WWOX: variants seen among roughly 807,000 people sequenced by gnomAD.
The protein encoded by WWOX is WW domain-containing oxidoreductase.
Under a neutral mutation model 46.2 loss-of-function variants are expected in WWOX, and 69 were observed. The ratio of observed to expected loss-of-function variants is 1.49; its 90% confidence interval spans 1.23 to 1.82. WWOX has a LOEUF of 1.82. Ranked by LOEUF, WWOX falls within the 40% of genes most tolerant of loss-of-function variation. WWOX has a pLI of 0.00. For synonymous variants in WWOX, 359 were observed against 202.6 expected (o/e 1.77, Z -6.56); for missense variants, 919 against 542.6 (o/e 1.69, Z -6.89).
chr16:78,919,897 A>T (rs909747244), intron 8 of WWOX, among the ~76,000 whole-genome samples: 1 of 152,156 alleles, frequency 6.6e-6, no homozygotes, highest in Non-Finnish European at 1.5e-5. Context: ...ACAGTTGATT[A>T]TAGATATATT....
chr16:78,468,158 A>C (rs375471048), intron 8 of WWOX, among the ~76,000 whole-genome samples: 4 of 151,934 alleles, frequency 2.6e-5, no homozygotes, highest in African/African-American at 9.7e-5. Context: ...CTGGATCTTC[A>C]CTGCTTTTAC....
rs1021885501 is a variant in WWOX, at chr16:79,093,021, A to G, written c.1057-118587A>G. Among the ~76,000 whole-genome samples, 6 of 152,222 alleles carry G rather than the reference A, an allele frequency of 3.9e-5. No individual in the cohort carries two copies. In the East Asian group the frequency reaches 7.7e-4, roughly 20 times the overall value. The stretch of plus-strand genomic sequence containing the variant: ...ATTATATTCAATAGCAAAAACCGCA[A>G]TTACTTTTGCACCACTACTTTTTAC... On this transcript the variant is annotated intron_variant, in intron 8 of 8. Transcript: ENST00000566780.
At position 79,031,961 on chromosome 16, in the gene WWOX, G is replaced by C. The variant is rs964906472; in HGVS notation, c.1057-179647G>C. Among the ~76,000 whole-genome samples, 31 of 139,900 alleles carry C rather than the reference G, an allele frequency of 2.2e-4. No individual in the cohort carries two copies. In the Admixed American group the frequency reaches 2.3e-3, roughly 10 times the overall value. The allele number at this position is 139,900 out of a possible 152,430, so 91.8% of individuals were successfully genotyped here. A position where few individuals can be genotyped will look rare whatever the true frequency, so the allele number is the denominator to read the frequency against. Reference sequence around the variant, plus strand: ...ATACAGATATCTGTATATATATATAGAAAGAGAGGGAACTGAACGGGATGC... The same window carrying C: ...ATACAGATATCTGTATATATATATACAAAGAGAGGGAACTGAACGGGATGC... On this transcript the variant is annotated intron_variant, in intron 8 of 8. Transcript: ENST00000566780.
intron 8 of WWOX, among the ~76,000 whole-genome samples, chr16:78,617,686 G>A (rs2046061621): frequency 1.3e-5 from 2 of 152,044 alleles, no homozygotes; most frequent in Admixed American, 6.6e-5. Flanking sequence ...TATTCCAGTG[G>A]GCCCCGCTGC....
intron 8 of WWOX, among the ~76,000 whole-genome samples, chr16:78,513,453 C>T (rs1227024765): frequency 2.0e-5 from 3 of 152,186 alleles, no homozygotes; most frequent in African/African-American, 4.8e-5. Flanking sequence ...TTCCTTGAGA[C>T]TCCTTCAATG....
At chr16:78,937,553 C>T (rs1396175545) in intron 8 of WWOX, among the ~76,000 whole-genome samples, 3 of 146,480 alleles carry the variant, frequency 2.0e-5, no homozygotes, top group African/African-American at 7.7e-5. Context: ...GCTTGGCTTC[C>T]CAAAGTGCTG....
intron 8 of WWOX, among the ~76,000 whole-genome samples, chr16:79,025,798 TGC>T (rs1173103439): frequency 4.6e-5 from 5 of 107,566 alleles, no homozygotes; most frequent in Admixed American, 1.1e-4. Context: ...TTGCTTTGCT[TGC>T]TTGCTTTTTT....
intron 8 of WWOX, chr16:78,552,171 C>T (rs1234170764): frequency 6.6e-6 from 1 of 152,188 alleles, no homozygotes; most frequent in Non-Finnish European, 1.5e-5. Context: ...CAAATGTGAC[C>T]TCCAATTAAA....
At chr16:78,938,153 C>A (rs567874949) in intron 8 of WWOX, among the ~76,000 whole-genome samples, 86 of 152,270 alleles carry the variant, frequency 5.6e-4, no homozygotes, top group Middle Eastern at 3.4e-3. Context: ...CAGGACCTTC[C>A]TGGCCTCTGG....
intron 5 of WWOX, among the ~76,000 whole-genome samples, chr16:78,270,904 G>A (rs1014717231): frequency 6.6e-6 from 1 of 152,140 alleles, no homozygotes; most frequent in Admixed American, 6.5e-5. Flanking sequence ...TAACTATCTG[G>A]CCCTTCACAG....
rs10431971 is a variant in WWOX, at chr16:79,034,746, G to A, written c.1057-176862G>A. Reference sequence around the variant, plus strand: ...CTTCTCTGATCAGAGCATACCTGCCGTGCTCAAAGCACTTGCTTACTTGGA... The same window carrying A: ...CTTCTCTGATCAGAGCATACCTGCCATGCTCAAAGCACTTGCTTACTTGGA... On this transcript the variant is annotated intron_variant, in intron 8 of 8. Coordinates refer to ENST00000566780, the MANE Select transcript of WWOX (RefSeq NM_016373.4). Among the ~76,000 whole-genome samples, 78 of 151,606 alleles carry A rather than the reference G, an allele frequency of 5.1e-4. 2 individuals are homozygous for A. In the East Asian group the frequency reaches 0.013, roughly 25 times the overall value.
intron 5 of WWOX, among the ~76,000 whole-genome samples, chr16:78,273,586 A>T (rs917597475): frequency 2.8e-4 from 43 of 152,150 alleles, no homozygotes; most frequent in African/African-American, 1.0e-3. Flanking sequence ...GTGAGAAAGG[A>T]GGGTGGGGAG....
chr16:79,134,784 G>C (rs2049951338), intron 8 of WWOX, among the ~76,000 whole-genome samples: 2 of 152,304 alleles, frequency 1.3e-5, no homozygotes, highest in Non-Finnish European at 2.9e-5. Flanking sequence ...AATCCACCCA[G>C]GGATGGCTCC....
chr16:78,810,760 A>G (rs188122963), intron 8 of WWOX, among the ~76,000 whole-genome samples: 2 of 152,340 alleles, frequency 1.3e-5, no homozygotes, highest in African/African-American at 4.8e-5. Context: ...GAATAACTCT[A>G]TGAAGACTTT....
intron 8 of WWOX, among the ~76,000 whole-genome samples, chr16:78,559,693 C>G (rs770212132): frequency 6.6e-6 from 1 of 152,176 alleles, no homozygotes; most frequent in Non-Finnish European, 1.5e-5. Context: ...TTTTAATCCT[C>G]CTCCTCAAGG....
intron 8 of WWOX, among the ~76,000 whole-genome samples, chr16:78,451,979 C>T (rs11861181): frequency 1.3e-5 from 2 of 152,118 alleles, no homozygotes; most frequent in Non-Finnish European, 2.9e-5. Context: ...CATATTAATG[C>T]AATGGTTAGC....
chr16:78,315,462 A>T (rs2080339680), intron 5 of WWOX, among the ~76,000 whole-genome samples: 1 of 151,998 alleles, frequency 6.6e-6, no homozygotes, highest in South Asian at 2.1e-4. Flanking sequence ...CAGCCCGGCC[A>T]ACATGGTGAG....
chr16:78,973,392 T>G (rs1259227411), intron 8 of WWOX, among the ~76,000 whole-genome samples: 1 of 152,158 alleles, frequency 6.6e-6, no homozygotes, highest in Non-Finnish European at 1.5e-5. Context: ...GATCTCCACT[T>G]TTAACAGCAC....
intron 8 of WWOX, chr16:78,872,805 T>G (rs1367523243): frequency 1.3e-5 from 2 of 152,298 alleles, no homozygotes; most frequent in African/African-American, 4.8e-5. Flanking sequence ...TTATTTATTT[T>G]TAATTTTTTT....
Sources: allele counts gnomAD v4.1 joint callset (sites outside exome capture counted in the v4.1 genomes callset), GRCh38; gene constraint gnomAD v4.1.1; transcripts MANE v1.5; gene names NCBI Gene and HGNC (gene_info 2026-07-23, HGNC 2026-07-21).